The following TRERF1 variants were observed in gnomAD, a reference collection of about 807,000 sequenced individuals.
TRERF1 encodes the protein transcriptional regulating factor 1, also known as transcriptional-regulating factor 1.
In TRERF1, 27 loss-of-function variants were observed where a neutral mutation model predicts 122.9. That is an observed-to-expected ratio of 0.22 (90% CI 0.16 to 0.30). TRERF1 has a LOEUF of 0.30. TRERF1 is among the 10% of genes least tolerant of loss of function. The pLI is 1.00. For synonymous variants in TRERF1, 636 were observed against 641.7 expected (o/e 0.99, Z 0.13); for missense variants, 1,248 against 1,560.3 (o/e 0.80, Z 3.37).
chr6:42,378,084 A>AGT (rs1732040351), intron 2 of TRERF1, among the ~76,000 whole-genome samples: 1 of 152,162 alleles, frequency 6.6e-6, no homozygotes, highest in African/African-American at 2.4e-5. Flanking sequence ...TCCCAAAGCT[A>AGT]GTGGGACTAT....
intron 4 of TRERF1, among the ~76,000 whole-genome samples, chr6:42,291,729 T>G (rs1353841808): frequency 6.6e-6 from 1 of 151,608 alleles, no homozygotes; most frequent in Admixed American, 6.6e-5. Flanking sequence ...TATTTTTTAG[T>G]AGAGACGGGG....
At chr6:42,431,087 G>A (rs1368214981) in intron 2 of TRERF1, among the ~76,000 whole-genome samples, 3 of 150,910 alleles carry the variant, frequency 2.0e-5, no homozygotes, top group Non-Finnish European at 3.0e-5. Context: ...AAAGAAAAGA[G>A]AAGAAAATGT....
chr6:42,403,320 G>A (rs1215653632), intron 2 of TRERF1, among the ~76,000 whole-genome samples: 3 of 152,152 alleles, frequency 2.0e-5, no homozygotes, highest in Non-Finnish European at 4.4e-5. Flanking sequence ...TAGTTAAGAT[G>A]AGGTTATACT....
intron 2 of TRERF1, among the ~76,000 whole-genome samples, chr6:42,422,673 C>A (rs1049752332): frequency 6.6e-6 from 1 of 152,054 alleles, no homozygotes; most frequent in African/African-American, 2.4e-5. Flanking sequence ...CGAGATAGGG[C>A]TGCCCAATCC....
At position 42,275,049 on chromosome 6, in the gene TRERF1, A is replaced by G. The variant is rs115621178; in HGVS notation, c.-258-5201T>C. On this transcript the variant is annotated intron_variant, in intron 4 of 17. Coordinates refer to ENST00000372922, the Ensembl canonical transcript of TRERF1. This position sits in a 1 kb window ranked among gnomAD's most constrained non-coding sequence, Gnocchi z 4.1. ...AGAGACACTTTATGCTCATACAAGA[A>G]CACTAATGCACAGCCCGTCTTATAC... Among the ~76,000 whole-genome samples, 269 of 152,362 alleles carry G rather than the reference A, an allele frequency of 1.8e-3. No homozygotes were observed. The highest frequency in any genetic ancestry group is 6.2e-3 in the African/African-American group (258 of 41,582).
intron 3 of TRERF1, among the ~76,000 whole-genome samples, chr6:42,337,011 G>A (rs550357044): frequency 9.8e-5 from 15 of 152,316 alleles, no homozygotes; most frequent in East Asian, 3.9e-4. Context: ...CAGGGGGTGC[G>A]TGCAGAAGAG....
chr6:42,256,888 A>G, intron 11 of TRERF1, 57 bp from the exon 12 acceptor site: 3 of 1,613,286 alleles, frequency 1.9e-6, no homozygotes, highest in Non-Finnish European at 2.5e-6. Context: ...AATGGAAAAC[A>G]CACCAATCCC....
At chr6:42,445,098 G>A (rs961520220) in intron 2 of TRERF1, among the ~76,000 whole-genome samples, 20 of 151,986 alleles carry the variant, frequency 1.3e-4, no homozygotes, top group African/African-American at 7.2e-5. Context: ...GTGAAACCCC[G>A]TCTCTACTAA....
At chr6:42,385,221 C>G (rs1203998800) in intron 2 of TRERF1, among the ~76,000 whole-genome samples, 2 of 152,130 alleles carry the variant, frequency 1.3e-5, no homozygotes, top group African/African-American at 2.4e-5. Context: ...AAGTGATCCA[C>G]CTGCCTTGGC....
At chr6:42,346,007 G>A (rs557332401) in intron 3 of TRERF1, among the ~76,000 whole-genome samples, 1 of 152,374 alleles carries the variant, frequency 6.6e-6, no homozygotes, top group South Asian at 2.1e-4. Context: ...AGCCTTCAGA[G>A]AAGGACTAAC....
At position 42,421,753 on chromosome 6, in the gene TRERF1, G is replaced by A. The variant is rs57248145; in HGVS notation, c.-454+29424C>T. Among the ~76,000 whole-genome samples, 979 of 152,012 alleles carry A rather than the reference G, an allele frequency of 6.4e-3. 14 individuals are homozygous for A. Among genetic ancestry groups the A allele is most frequent in the African/African-American group, 0.023 (940 of 41,430 alleles). On this transcript the variant is annotated intron_variant, in intron 2 of 17. Transcript: ENST00000372922. ...CGTGCAGTTACACTCCAGCCTGGGCGACAGAGCAATGCTGTCTCAAAATTA... is the reference window on the plus strand; with the variant it reads ...CGTGCAGTTACACTCCAGCCTGGGCAACAGAGCAATGCTGTCTCAAAATTA...
At chr6:42,342,932 T>A (rs770942838) in intron 3 of TRERF1, among the ~76,000 whole-genome samples, 5 of 152,196 alleles carry the variant, frequency 3.3e-5, no homozygotes, top group Non-Finnish European at 7.3e-5. Context: ...TGGCATGCCA[T>A]CCTAATCTAA....
At chr6:42,372,059 G>A (rs751863478) in intron 2 of TRERF1, among the ~76,000 whole-genome samples, 2 of 152,146 alleles carry the variant, frequency 1.3e-5, no homozygotes, top group Non-Finnish European at 1.5e-5. Context: ...GCAGGTGCCT[G>A]TAATCCCAGC....
chr6:42,394,523 G>C (rs1397807841), intron 2 of TRERF1, among the ~76,000 whole-genome samples: 1 of 152,180 alleles, frequency 6.6e-6, no homozygotes, highest in African/African-American at 2.4e-5. Flanking sequence ...GGAGACTGAA[G>C]TTCAGAAATA....
At chr6:42,377,995 TG>T (rs1164836166) in intron 2 of TRERF1, among the ~76,000 whole-genome samples, 1 of 152,194 alleles carries the variant, frequency 6.6e-6, no homozygotes, top group Non-Finnish European at 1.5e-5. Context: ...CATTTTCATT[TG>T]CACTGAGCTC....
intron 3 of TRERF1, among the ~76,000 whole-genome samples, chr6:42,328,004 CTTTTT>C (rs36069546): frequency 3.6e-4 from 39 of 107,992 alleles, no homozygotes; most frequent in Middle Eastern, 5.2e-3. Flanking sequence ...TTCTTTCTTT[CTTTTT>C]TTTTTTTTTT....
At chr6:42,314,563 AT>A (rs1218736280) in intron 3 of TRERF1, among the ~76,000 whole-genome samples, 10 of 152,216 alleles carry the variant, frequency 6.6e-5, no homozygotes, top group African/African-American at 2.4e-4. Context: ...CCTCATGGAG[AT>A]TTCATTTTAA....
At chr6:42,272,903 G>A (rs974789131) in intron 4 of TRERF1, among the ~76,000 whole-genome samples, 7 of 151,918 alleles carry the variant, frequency 4.6e-5, no homozygotes, top group Admixed American at 3.3e-4. Context: ...CCTACTCTAC[G>A]TCACCACGTC....
At chr6:42,307,644 C>T (rs984463835) in intron 3 of TRERF1, among the ~76,000 whole-genome samples, 1 of 151,408 alleles carries the variant, frequency 6.6e-6, no homozygotes, top group African/African-American at 2.4e-5. Context: ...GCAAACTGTT[C>T]CTTTCTACTC....
Sources: gnomAD v4.1 joint callset for allele counts (sites outside exome capture counted in the v4.1 genomes callset) on GRCh38, gnomAD v4.1.1 for gene constraint, Gnocchi (gnomAD v3.1) non-coding constraint, MANE v1.5 for transcripts, NCBI Gene and HGNC (gene_info 2026-07-23, HGNC 2026-07-21) for gene names.